The following CSMD1 variants were observed in gnomAD, a reference collection of about 807,000 sequenced individuals.
CSMD1 encodes CUB and sushi domain-containing protein 1.
In CSMD1, 213 loss-of-function variants were observed where a neutral mutation model predicts 417.5. That is an observed-to-expected ratio of 0.51 (90% confidence interval 0.46 to 0.57). The LOEUF (loss-of-function observed/expected upper bound fraction) is 0.57. CSMD1 is among the 20% of genes least tolerant of loss of function. The probability of loss-of-function intolerance (pLI) is 0.00; values close to 1 mark genes in which losing one functional copy is unlikely to be tolerated. For synonymous variants in CSMD1, 2,862 were observed against 1,736.8 expected (o/e 1.65, Z -16.11); for missense variants, 6,923 against 4,529.7 (o/e 1.53, Z -15.17).
At chr8:4,044,153 A>T (rs1327946108) in intron 3 of CSMD1, among the ~76,000 whole-genome samples, 2 of 152,222 alleles carry the variant, frequency 1.3e-5, no homozygotes, top group Non-Finnish European at 2.9e-5. Context: ...GTAAGAAAGA[A>T]GATGAGAGTT....
chr8:4,299,430 C>T (rs1395651948), intron 3 of CSMD1, among the ~76,000 whole-genome samples: 1 of 152,100 alleles, frequency 6.6e-6, no homozygotes, highest in Non-Finnish European at 1.5e-5. Context: ...AGGATTCCTA[C>T]AGTCTTTCAA....
At position 2,974,492 on chromosome 8, in the gene CSMD1, T is replaced by C. The variant is rs76182748; in HGVS notation, c.8699A>G (p.Gln2900Arg). 1 of 1,613,316 alleles carries C rather than the reference T, an allele frequency of 6.2e-7. No homozygotes were observed. Among genetic ancestry groups the C allele is most frequent in the East Asian group, 2.2e-5 (1 of 44,826 alleles). ...SLIGNDTRVC[Q>R]EDSHWSGALP... The stretch of plus-strand genomic sequence containing the variant: ...TGCCCCGCTCCAGTGACTGTCTTCC[T>C]GGCACACTCTCGTGTCGTTGCCTAT... Residue 2900 changes from glutamine (Q) to arginine (R), a missense_variant, in exon 56 of 70, where the codon CAG (glutamine) becomes CGG (arginine). Gln to Arg is a conservative substitution (Grantham distance 43). Transcript: ENST00000635120.
chr8:3,621,707 A>G (rs1796249293), intron 7 of CSMD1, among the ~76,000 whole-genome samples: 1 of 151,854 alleles, frequency 6.6e-6, no homozygotes, highest in Non-Finnish European at 1.5e-5. Context: ...ATCCTCCCAA[A>G]TAGCTGCAAC....
rs78026125 is a variant in CSMD1, at chr8:3,999,329, A to G, written c.611-1219T>C. 3.3e-3 allele frequency among the ~76,000 whole-genome samples: 496 copies of G among 152,280 alleles called. 15 individuals are homozygous for G. In the East Asian group the frequency reaches 0.061, roughly 19 times the overall value. ...ACCGGCCTGAGCTCTTACAAAGTGC[A>G]TATCTTCGACCCTACCCACCCTCTC... On this transcript the variant is annotated intron_variant, in intron 4 of 69. Coordinates refer to ENST00000635120, the MANE Select transcript of CSMD1 (RefSeq NM_033225.6).
chr8:4,419,175 C>G (rs1053951487), intron 3 of CSMD1, among the ~76,000 whole-genome samples: 4 of 152,122 alleles, frequency 2.6e-5, no homozygotes, highest in African/African-American at 9.7e-5. Flanking sequence ...ACACCCCTAA[C>G]GATAGATTGC....
intron 1 of CSMD1, among the ~76,000 whole-genome samples, chr8:4,648,779 G>C (rs566177994): frequency 6.6e-6 from 1 of 152,338 alleles, no homozygotes; most frequent in South Asian, 2.1e-4. Context: ...TTGGAGTTGA[G>C]ACATCAGATG....
At chr8:4,270,957 A>T (rs1038649750) in intron 3 of CSMD1, among the ~76,000 whole-genome samples, 2 of 152,186 alleles carry the variant, frequency 1.3e-5, no homozygotes, top group East Asian at 3.9e-4. Flanking sequence ...GGAGCACTTT[A>T]AACTGTCACC....
intron 1 of CSMD1, among the ~76,000 whole-genome samples, chr8:4,770,538 G>A (rs1417925831): frequency 6.6e-6 from 1 of 151,542 alleles, no homozygotes; most frequent in East Asian, 1.9e-4. Flanking sequence ...AAAAGTTGAA[G>A]GCATTACACT....
At chr8:4,375,087 G>C (rs1279419048) in intron 3 of CSMD1, among the ~76,000 whole-genome samples, 4 of 151,976 alleles carry the variant, frequency 2.6e-5, no homozygotes, top group African/African-American at 4.8e-5. Flanking sequence ...ATATTTCCAG[G>C]CATGTTCATT....
intron 49 of CSMD1, among the ~76,000 whole-genome samples, chr8:3,059,121 T>C (rs1482256918): frequency 6.6e-6 from 1 of 151,884 alleles, no homozygotes; most frequent in Non-Finnish European, 1.5e-5. Flanking sequence ...ACGCTGCAAG[T>C]GCAAATGAAG....
intron 10 of CSMD1, among the ~76,000 whole-genome samples, chr8:3,549,490 T>C (rs1798818640): frequency 6.6e-6 from 1 of 152,206 alleles, no homozygotes; most frequent in Non-Finnish European, 1.5e-5. Flanking sequence ...GATGGGACCA[T>C]TAAGAATAGC....
chr8:4,950,853 T>A (rs755943521), intron 1 of CSMD1, among the ~76,000 whole-genome samples: 8 of 152,084 alleles, frequency 5.3e-5, no homozygotes, highest in Non-Finnish European at 1.0e-4. Context: ...ACTCTTGGTG[T>A]ACCCTACCTT....
chr8:4,047,977 T>C (rs1444436997), intron 3 of CSMD1, among the ~76,000 whole-genome samples: 2 of 152,218 alleles, frequency 1.3e-5, no homozygotes, highest in Admixed American at 1.3e-4. Flanking sequence ...GCCTTGTTTC[T>C]TTTCATCCTG....
At chr8:4,850,187 A>T (rs1366905176) in intron 1 of CSMD1, among the ~76,000 whole-genome samples, 1 of 152,126 alleles carries the variant, frequency 6.6e-6, no homozygotes, top group Non-Finnish European at 1.5e-5. Flanking sequence ...TATGAAGATC[A>T]TTAACCTATT....
intron 10 of CSMD1, among the ~76,000 whole-genome samples, chr8:3,507,205 A>G (rs971410082): frequency 6.6e-6 from 1 of 152,224 alleles, no homozygotes; most frequent in African/African-American, 2.4e-5. Context: ...CATGAAATCT[A>G]TTTTGTAACA....
chr8:3,818,279 G>C (rs1405082562), intron 5 of CSMD1, among the ~76,000 whole-genome samples: 2 of 152,068 alleles, frequency 1.3e-5, no homozygotes, highest in Non-Finnish European at 2.9e-5. Flanking sequence ...TCTCTATTCA[G>C]AGCCACAGGG....
intron 3 of CSMD1, among the ~76,000 whole-genome samples, chr8:4,370,725 G>C (rs918665059): frequency 2.0e-5 from 3 of 152,198 alleles, no homozygotes; most frequent in Non-Finnish European, 2.9e-5. Context: ...CTGTTATACA[G>C]TTAATGTCAC....
chr8:3,236,347 C>T (rs1799155417), intron 26 of CSMD1, among the ~76,000 whole-genome samples: 1 of 151,984 alleles, frequency 6.6e-6, no homozygotes, highest in Admixed American at 6.6e-5. Flanking sequence ...AAACAAACCC[C>T]CAAACACTTT....
In CSMD1 at chr8:4,267,357, G is replaced by T. The variant is rs1296574883; in HGVS notation, c.415+152596C>A. On this transcript the variant is annotated intron_variant, in intron 3 of 69. Transcript: ENST00000635120. ...AATTAGGATGAAAAAGTAACAATAA[G>T]AGTTTAAAAGGGAGTCTTAGGATTA... is the stretch of plus-strand genomic sequence containing the variant. 9.0e-5 allele frequency among the ~76,000 whole-genome samples: 5 copies of T among 55,336 alleles called. 2 individuals carry two copies. Among genetic ancestry groups the T allele is most frequent in the Non-Finnish European group, 3.6e-4 (5 of 13,914 alleles). The allele number at this position is 55,336 out of a possible 152,430, so 36.3% of individuals were successfully genotyped here.
Sources: allele counts gnomAD v4.1 joint callset (sites outside exome capture counted in the v4.1 genomes callset), GRCh38; gene constraint gnomAD v4.1.1; transcripts MANE v1.5; gene names NCBI Gene and HGNC (gene_info 2026-07-23, HGNC 2026-07-21).